The following TMF1 variants were observed in gnomAD, a reference collection of about 807,000 sequenced individuals.
The protein encoded by TMF1 is TATA element modulatory factor 1.
In TMF1, 71 loss-of-function variants were observed where a neutral mutation model predicts 126.5. That is an observed-to-expected ratio of 0.56 (90% confidence interval 0.46 to 0.68). The LOEUF is 0.68. Ranked by LOEUF, TMF1 falls within the 30% of genes least tolerant of loss-of-function variation. TMF1 has a pLI of 0.00. For synonymous variants in TMF1, 461 were observed against 430.5 expected (o/e 1.07, Z -0.88); for missense variants, 1,259 against 1,253.2 (o/e 1.00, Z -0.07).
At chr3:69,042,763 T>C (rs185224026) in intron 5 of TMF1, 44 bp downstream of exon 5, 203 of 1,491,364 alleles carry the variant, frequency 1.4e-4, no homozygotes, top group Non-Finnish European at 1.8e-4. Flanking sequence ...GTACTTTTCC[T>C]GTTCTTACAG....
In TMF1 at chr3:69,019,903, A is replaced by T. The variant is rs2107449503; in HGVS notation, c.*3274T>A. Reference sequence around the variant, plus strand: ...TTTCATTTAGAATTAAAATATATCAATCTGTAGTTTAAATCATACTTTCAG... The same window carrying T: ...TTTCATTTAGAATTAAAATATATCATTCTGTAGTTTAAATCATACTTTCAG... On this transcript the variant is annotated 3_prime_UTR_variant, in exon 17 of 17. Transcript: ENST00000398559. The T allele has an allele frequency of 6.6e-6, 1 of 152,208 alleles. No homozygotes were observed. The highest frequency in any genetic ancestry group is 1.5e-5 in the Non-Finnish European group (1 of 68,000). 9.4% of individuals were successfully genotyped at this position (152,208 alleles called of 1,614,324 possible). A position where few individuals can be genotyped will look rare whatever the true frequency, so the allele number is the denominator to read the frequency against.
At position 69,052,042 on chromosome 3, in the gene TMF1, C is replaced by T. The variant is rs2091934126; in HGVS notation, c.45G>A (p.Gln15=). 7 of 1,613,552 alleles carry T rather than the reference C, an allele frequency of 4.3e-6. No individual in the cohort carries two copies. The highest frequency in any genetic ancestry group is 1.3e-5 in the African/African-American group (1 of 74,906). The change falls in exon 1 of 17, where the codon CAG becomes CAA. Residue 15 remains glutamine (Q), a synonymous_variant. Transcript: ENST00000398559. ...TAGACTTCTGGGCCTGGGACAGGGC[C>T]TGCTTAGCGAAGCTGGAGAGCTGGG... The part of the protein sequence containing the change: ...NASQLSSFAK[Q]ALSQAQKSID...
At position 69,023,144 on chromosome 3, in the gene TMF1, C is replaced by T. The variant is rs1236942721; in HGVS notation, c.*33G>A. 6 of 1,578,650 alleles carry T rather than the reference C, an allele frequency of 3.8e-6. No individual in the cohort carries two copies. Among genetic ancestry groups the T allele is most frequent in the South Asian group, 2.3e-5 (2 of 88,696 alleles). ...TAAATGTTTAGATATTAAATGCTTACATTCAGTTTGATGGGAATTCAATTT... is the reference window on the plus strand; with the variant it reads ...TAAATGTTTAGATATTAAATGCTTATATTCAGTTTGATGGGAATTCAATTT... On this transcript the variant is annotated 3_prime_UTR_variant, in exon 17 of 17. Coordinates refer to ENST00000398559, the MANE Select transcript of TMF1 (RefSeq NM_007114.3).
rs41291189 is a variant in TMF1 at position 69,025,727 on chromosome 3, A to G, written c.2860-15T>C. 0.058 allele frequency: 93,344 copies of G among 1,607,234 alleles called. 3,215 individuals carry two copies. The highest frequency in any genetic ancestry group is 0.066 in the Non-Finnish European group (77,244 of 1,176,882). ...TGAGACTCATCCTATGTTAATTAAG[A>G]AAGTTCACACAGTTACTCAGTTATC... On this transcript the variant is annotated splice_polypyrimidine_tract_variant and intron_variant, in intron 14 of 16. Transcript: ENST00000398559.
rs2107455876 is a variant in TMF1, at chr3:69,027,913, G to A, written c.2744C>T (p.Thr915Ile). 1 of 1,559,196 alleles carries A rather than the reference G, an allele frequency of 6.4e-7. No homozygotes were observed. Among genetic ancestry groups the A allele is most frequent in the Non-Finnish European group, 8.8e-7 (1 of 1,134,552 alleles). Residue 915 changes from threonine to isoleucine, a missense_variant, in exon 13 of 17, where the codon ACA becomes ATA. Physicochemically the swap from Thr to Ile is moderately conservative, Grantham distance 89 (BLOSUM62 -1). Transcript: ENST00000398559. ...ERKKAIFTQETIKEKERKPFS... is the reference protein window; with the variant it reads ...ERKKAIFTQEIIKEKERKPFS... The stretch of plus-strand genomic sequence containing the variant: ...AAAATTCAATACCTTTTCTTTTATT[G>A]TTTCTTGAGTAAAAATGGCTTTCTT...
intron 5 of TMF1, chr3:69,040,603 T>G (rs1490286587): frequency 1.3e-5 from 2 of 152,180 alleles, no homozygotes; most frequent in Admixed American, 1.3e-4. Context: ...TGCTTTCAGC[T>G]TTGAGTTTTA....
In TMF1 at chr3:69,044,589, C is replaced by T. The variant is rs756217117; in HGVS notation, c.1354G>A (p.Glu452Lys). 5 of 1,604,828 alleles carry T rather than the reference C, an allele frequency of 3.1e-6. No individual in the cohort carries two copies. The African/African-American group carries it at 4.0e-5, about 13-fold the overall frequency. Residue 452 changes from glutamate to lysine, a missense_variant, in exon 3 of 17, where the codon GAA (glutamate) becomes AAA (lysine). By Grantham distance (56) the Glu-to-Lys change is moderately conservative. Transcript: ENST00000398559. The stretch of plus-strand genomic sequence containing the variant: ...TTTTCCAGCTTTTCATTCAGAAATT[C>T]AACTGTCTGGATAAGGCGAATACAT... ...SEKEDVCKTV[E>K]FLNEKLEKRE...
chr3:69,033,600 T>A lies in TMF1; in HGVS notation c.2349A>T (p.Gly783=). 1 of 1,614,070 alleles carries A rather than the reference T, an allele frequency of 6.2e-7. No homozygotes were observed. The highest frequency in any genetic ancestry group is 1.3e-5 in the African/African-American group (1 of 75,030). Residue 783 remains glycine, a synonymous_variant, in exon 10 of 17, where the codon GGA becomes GGT. Coordinates refer to ENST00000398559, the MANE Select transcript of TMF1 (RefSeq NM_007114.3). ...RQIENLQATL[G]SQTSSWEKLE... ...ATTTCTCCCACGACGATGTCTGGGA[T>A]CCCAGGGTTGCTTGCAAATTTTCTA...
chr3:69,037,700 G>GGAGGCT (rs1559632334), intron 8 of TMF1, among the ~76,000 whole-genome samples: 1 of 152,146 alleles, frequency 6.6e-6, no homozygotes, highest in African/African-American at 2.4e-5. Context: ...CAGCTACTCA[G>GGAGGCT]GAGGCTGAGG....
chr3:69,037,599 G>A (rs2091839627), intron 8 of TMF1, among the ~76,000 whole-genome samples: 1 of 152,054 alleles, frequency 6.6e-6, no homozygotes, highest in African/African-American at 2.4e-5. Flanking sequence ...CCGAGATTGC[G>A]CTATTGCACT....
At chr3:69,044,435 A>G in intron 3 of TMF1, 57 bp downstream of exon 3, 1 of 942,130 alleles carries the variant, frequency 1.1e-6, no homozygotes, top group Non-Finnish European at 1.6e-6. Context: ...AAATATGTAC[A>G]AAGTATACAG....
intron 16 of TMF1, 62 bp downstream of exon 16, chr3:69,023,993 A>C: frequency 6.9e-7 from 1 of 1,451,804 alleles, no homozygotes; most frequent in Non-Finnish European, 9.2e-7. Flanking sequence ...AATTAAAAAC[A>C]TGAGATTTAA....
chr3:69,037,606 CACTCCAGCCT>C (rs1203612421), intron 8 of TMF1, among the ~76,000 whole-genome samples: 1 of 152,066 alleles, frequency 6.6e-6, no homozygotes, highest in Non-Finnish European at 1.5e-5. Context: ...TGCGCTATTG[CACTCCAGCCT>C]GGGCAACAAG....
At chr3:69,051,488 A>C (rs1370596631) in intron 1 of TMF1, among the ~76,000 whole-genome samples, 2 of 152,040 alleles carry the variant, frequency 1.3e-5, no homozygotes, top group Admixed American at 1.3e-4. Flanking sequence ...AACAACATAA[A>C]ACCACATTAC....
At chr3:69,035,611 C>T (rs1216178709) in intron 8 of TMF1, among the ~76,000 whole-genome samples, 2 of 152,070 alleles carry the variant, frequency 1.3e-5, no homozygotes, top group African/African-American at 2.4e-5. Context: ...AAAGCAGATA[C>T]GTAAATACAC....
intron 9 of TMF1, 194 bp downstream of exon 9, chr3:69,034,829 A>G: frequency 1.7e-6 from 1 of 583,882 alleles, no homozygotes; most frequent in South Asian, 2.1e-5. Context: ...TCTATAAAAC[A>G]AAATAAGGAA....
chr3:69,043,714 TAG>T lies in TMF1; in HGVS notation c.1578+34_1578+35del, dbSNP rs755528560. ...CACTCCTCAAAAATCTATATCTCTATAGAGTTTAATTAATATTACTTTAAATT... is the reference window on the plus strand; with the variant it reads ...CACTCCTCAAAAATCTATATCTCTATAGTTTAATTAATATTACTTTAAATT... On this transcript the variant is annotated intron_variant, in intron 4 of 16. Coordinates refer to ENST00000398559, the MANE Select transcript of TMF1 (RefSeq NM_007114.3). The T allele has an allele frequency of 3.8e-6, 6 of 1,561,068 alleles. No homozygotes were observed. The South Asian group carries it at 5.9e-5, about 15-fold the overall frequency.
chr3:69,037,833 T>C (rs560863788), intron 8 of TMF1, among the ~76,000 whole-genome samples: 2 of 144,170 alleles, frequency 1.4e-5, no homozygotes, highest in Admixed American at 6.9e-5. Context: ...AAAAAAAAAA[T>C]GCAAATCAAC....
rs377334887 is a variant in TMF1, at chr3:69,029,807, A to G, written c.2594+8T>C. The stretch of plus-strand genomic sequence containing the variant: ...CTACCAAAAATATCACTCAGAAACC[A>G]TGCTCACCTATTGTTCTCATCCTCC... On this transcript the variant is annotated splice_region_variant and intron_variant, in intron 11 of 16. Coordinates refer to ENST00000398559, the MANE Select transcript of TMF1 (RefSeq NM_007114.3). The G allele has an allele frequency of 1.7e-4, 273 of 1,597,050 alleles. No homozygotes were observed. The highest frequency in any genetic ancestry group is 8.4e-4 in the Middle Eastern group (5 of 5,964).
Sources: allele counts gnomAD v4.1 joint callset (sites outside exome capture counted in the v4.1 genomes callset), GRCh38; gene constraint gnomAD v4.1.1; transcripts MANE v1.5; gene names NCBI Gene and HGNC (gene_info 2026-07-23, HGNC 2026-07-21).